UGT1A5: variants seen among roughly 807,000 people sequenced by gnomAD.
The protein encoded by UGT1A5 is UDP-glucuronosyltransferase 1A5.
A neutral mutation model predicts 40.3 loss-of-function variants in UGT1A5; 29 were observed. That is an observed-to-expected ratio of 0.72 (90% CI 0.54 to 0.98). UGT1A5 has a LOEUF of 0.98. Among genes scored for constraint, UGT1A5 ranks in the 50% least tolerant of loss-of-function variants. UGT1A5 has a pLI of 0.00. For synonymous variants in UGT1A5, 257 were observed against 262.5 expected (o/e 0.98, Z 0.20); for missense variants, 678 against 677.9 (o/e 1.00, Z 0.00).
At chr2:233,770,519 A>C (rs1327661350) in intron 4 of UGT1A5, 1 of 152,120 alleles carries the variant, frequency 6.6e-6, no homozygotes, top group South Asian at 2.1e-4. Context: ...TTACCCAGGC[A>C]TGGTGGTGTA....
At chr2:233,754,798 C>G (rs781516183) in intron 1 of UGT1A5, 1 of 1,247,746 alleles carries the variant, frequency 8.0e-7, no homozygotes, top group East Asian at 5.0e-5. Context: ...AATCCTGTAT[C>G]AAAAGAAGAA....
In UGT1A5 at chr2:233,719,944, A is replaced by G. The variant is rs28898612; in HGVS notation, c.867+6086A>G. Among the ~76,000 whole-genome samples, 584 of 152,290 alleles carry G rather than the reference A, an allele frequency of 3.8e-3. 2 individuals are homozygous for G. Among genetic ancestry groups the G allele is most frequent in the African/African-American group, 0.013 (558 of 41,550 alleles). ...ACTCACGGACAGTGTTTGTAAAGGC[A>G]CCATCTTCATGGTTGTGCATGTCCT... On this transcript the variant is annotated intron_variant, in intron 1 of 4. Coordinates refer to ENST00000373414, the MANE Select transcript of UGT1A5 (RefSeq NM_019078.2).
In UGT1A5 at chr2:233,748,102, A is replaced by G. The variant is rs1693867397; in HGVS notation, c.868-18932A>G. On this transcript the variant is annotated intron_variant, in intron 1 of 4. Coordinates refer to ENST00000373414, the MANE Select transcript of UGT1A5 (RefSeq NM_019078.2). Reference sequence around the variant, plus strand: ...CAGGTCGGTGTTCGTGCCTTCATCCAATCAATGTTCCAGGCAAAACAGTTT... The same window carrying G: ...CAGGTCGGTGTTCGTGCCTTCATCCGATCAATGTTCCAGGCAAAACAGTTT... The G allele has an allele frequency of 3.7e-6, 6 of 1,612,660 alleles. No homozygotes were observed. The Admixed American group carries it at 5.0e-5, about 13-fold the overall frequency.
intron 1 of UGT1A5, chr2:233,730,054 A>T (rs2077976978): frequency 1.2e-6 from 2 of 1,611,936 alleles, no homozygotes; most frequent in East Asian, 4.5e-5. Context: ...AAAAAAATGT[A>T]TTTATTTAAA....
intron 1 of UGT1A5, among the ~76,000 whole-genome samples, chr2:233,732,631 T>C (rs1341811470): frequency 6.6e-6 from 1 of 152,240 alleles, no homozygotes; most frequent in Non-Finnish European, 1.5e-5. Context: ...TGTGGTGTTA[T>C]TTCTGAGACC....
chr2:233,721,017 C>G (rs1165667415), intron 1 of UGT1A5, among the ~76,000 whole-genome samples: 1 of 151,958 alleles, frequency 6.6e-6, no homozygotes, highest in Non-Finnish European at 1.5e-5. Flanking sequence ...AGTGAGGGAG[C>G]CATCTTTCTT....
At position 233,713,223 on chromosome 2, in the gene UGT1A5, A is replaced by G. The variant is rs72551334; in HGVS notation, c.232A>G (p.Thr78Ala). 6 of 1,614,250 alleles carry G rather than the reference A, an allele frequency of 3.7e-6. No homozygotes were observed. In the South Asian group the frequency reaches 4.4e-5, roughly 12 times the overall value. The change falls in exon 1 of 5, where the codon ACA becomes GCA. Residue 78 changes from threonine to alanine, a missense_variant. Coordinates refer to ENST00000373414, the MANE Select transcript of UGT1A5 (RefSeq NM_019078.2). ...CAAAGAAGAGAACTTTTTCACCCTG[A>G]CAACGTATGCCATTTCATGGACCCA... ...YIKEENFFTL[T>A]TYAISWTQDE...
intron 1 of UGT1A5, chr2:233,754,743 C>A (rs1442095371): frequency 4.1e-6 from 3 of 727,770 alleles, no homozygotes; most frequent in Middle Eastern, 2.7e-4. Flanking sequence ...GTAGGACATG[C>A]AGAAGGAAGA....
rs568090687 is a variant in UGT1A5, at chr2:233,760,533, A to G, written c.868-6501A>G. 23 of 1,614,268 alleles carry G rather than the reference A, an allele frequency of 1.4e-5. No homozygotes were observed. The South Asian group carries it at 2.2e-4, about 15-fold the overall frequency. On this transcript the variant is annotated intron_variant, in intron 1 of 4. Coordinates refer to ENST00000373414, the MANE Select transcript of UGT1A5 (RefSeq NM_019078.2). ...ACACCTTGAAGACGTACCCTGTGCC[A>G]TTCCAAAGGGAGGATGTGAAAGAGT... is the stretch of plus-strand genomic sequence containing the variant.
chr2:233,719,031 G>A, intron 1 of UGT1A5: 3 of 1,614,284 alleles, frequency 1.9e-6, no homozygotes, highest in East Asian at 2.2e-5. Flanking sequence ...GCACATCAAA[G>A]AAGAGAAATT....
Position 233,713,012 on chromosome 2 carries a change from TC to T in UGT1A5, c.25del (p.Leu9CysfsTer57). On this transcript the variant is annotated frameshift_variant, in exon 1 of 5. Transcript: ENST00000373414. LOFTEE classifies it high-confidence loss of function. ...CTGAGATGGCCACAGGACTCCAGGTTCCCCTGCCGCAGCTGGCCACAGGACT... is the reference window on the plus strand; with the variant it reads ...CTGAGATGGCCACAGGACTCCAGGTTCCCTGCCGCAGCTGGCCACAGGACT... MATGLQV[P>X]LPQLATGLLL... 2 of 1,613,498 alleles carry T rather than the reference TC, an allele frequency of 1.2e-6. No individual in the cohort carries two copies. Among genetic ancestry groups the T allele is most frequent in the Non-Finnish European group, 1.7e-6 (2 of 1,180,018 alleles).
chr2:233,761,130 TC>T, intron 1 of UGT1A5: 1 of 1,614,212 alleles, frequency 6.2e-7, no homozygotes, highest in Non-Finnish European at 8.5e-7. Flanking sequence ...TCAACTGCCT[TC>T]ACCAAAATCC....
chr2:233,747,015 G>A lies in UGT1A5; in HGVS notation c.868-20019G>A, dbSNP rs911515983. 7.2e-5 allele frequency among the ~76,000 whole-genome samples: 11 copies of A among 151,822 alleles called. 1 individual carries two copies. The highest frequency in any genetic ancestry group is 2.2e-4 in the African/African-American group (9 of 41,118). Reference sequence around the variant, plus strand: ...ATGAGTTTTTCAAGTAGGAGTGATCGGTCTTTCCCGAAGTGGGACCCATAA... The same window carrying A: ...ATGAGTTTTTCAAGTAGGAGTGATCAGTCTTTCCCGAAGTGGGACCCATAA... On this transcript the variant is annotated intron_variant, in intron 1 of 4. Coordinates refer to ENST00000373414, the MANE Select transcript of UGT1A5 (RefSeq NM_019078.2).
chr2:233,718,037 G>C (rs1268815456), intron 1 of UGT1A5: 1 of 377,926 alleles, frequency 2.6e-6, no homozygotes, highest in Non-Finnish European at 5.2e-6. Context: ...CCTTTGGTGA[G>C]CAGGAGCTCC....
chr2:233,720,890 T>C (rs2076904150), intron 1 of UGT1A5, among the ~76,000 whole-genome samples: 1 of 149,554 alleles, frequency 6.7e-6, no homozygotes, highest in South Asian at 2.1e-4. Context: ...TTTTTTTTTT[T>C]AGTAGAGATG....
In UGT1A5 at chr2:233,760,331, T is replaced by G. The variant is rs111033541; in HGVS notation, c.868-6703T>G. ...GGCGGACGCCCACTTGTCCTGGGCCTGCTGCTGTGTGTGCTGGGCCCAGTG... is the reference window on the plus strand; with the variant it reads ...GGCGGACGCCCACTTGTCCTGGGCCGGCTGCTGTGTGTGCTGGGCCCAGTG... On this transcript the variant is annotated intron_variant, in intron 1 of 4. Transcript: ENST00000373414. 1.9e-6 allele frequency: 3 copies of G among 1,614,080 alleles called. No individual in the cohort carries two copies. Among genetic ancestry groups the G allele is most frequent in the Non-Finnish European group, 2.5e-6 (3 of 1,179,954 alleles).
chr2:233,731,513 C>A (rs972587345), intron 1 of UGT1A5, among the ~76,000 whole-genome samples: 1 of 152,148 alleles, frequency 6.6e-6, no homozygotes, highest in Non-Finnish European at 1.5e-5. Flanking sequence ...CAGTTCCCAC[C>A]TATGAGTGAG....
chr2:233,772,116 AAACAAC>A, intron 4 of UGT1A5, 140 bp from the exon 5 acceptor site: 1 of 1,531,302 alleles, frequency 6.5e-7, no homozygotes, highest in Non-Finnish European at 8.8e-7. Context: ...CTGTATCTAA[AAACAAC>A]AACAACAACA....
chr2:233,757,535 A>AATATATAT lies in UGT1A5; in HGVS notation c.868-9480_868-9473dup, dbSNP rs67292694. On this transcript the variant is annotated intron_variant, in intron 1 of 4. Transcript: ENST00000373414. ...CAAAGCCAAAATCTTGCCTGTAAGG[A>AATATATAT]ATATATATATATATATATATATATA... Among the ~76,000 whole-genome samples the AATATATAT allele has an allele frequency of 9.1e-3, 800 of 88,270 alleles. 30 individuals are homozygous for AATATATAT. Among genetic ancestry groups the AATATATAT allele is most frequent in the African/African-American group, 0.032 (642 of 19,900 alleles). The allele number at this position is 88,270 out of a possible 152,430, so 57.9% of individuals were successfully genotyped here.
Sources: gnomAD v4.1 joint callset for allele counts (sites outside exome capture counted in the v4.1 genomes callset) on GRCh38, gnomAD v4.1.1 for gene constraint, MANE v1.5 for transcripts, NCBI Gene and HGNC (gene_info 2026-07-23, HGNC 2026-07-21) for gene names.